The following TTC19 variants were observed in gnomAD, a reference collection of about 807,000 sequenced individuals.
TTC19 encodes tetratricopeptide repeat domain 19, also known as tetratricopeptide repeat protein 19, mitochondrial.
TTC19 carries 38 observed loss-of-function variants against 49.5 expected under a neutral mutation model. That is an observed-to-expected ratio of 0.77 (90% CI 0.59 to 1.01). The LOEUF is 1.01. Ranked by LOEUF, TTC19 falls within the 50% of genes least tolerant of loss-of-function variation. The probability of loss-of-function intolerance (pLI) is 0.00; values close to 1 mark genes in which losing one functional copy is unlikely to be tolerated. For missense variants in TTC19, 475 were observed against 477.7 expected (o/e 0.99, Z 0.05); for synonymous variants, 204 against 185.2 (o/e 1.10, Z -0.83).
intron 2 of TTC19, chr17:16,040,673 C>CAAA: frequency 1.6e-6 from 1 of 636,638 alleles, no homozygotes; most frequent in Non-Finnish European, 2.8e-6. Context: ...GACAGGGTCT[C>CAAA]ACTCTGTTGC....
At chr17:16,033,249 C>T (rs559011560), downstream of TTC19, among the ~76,000 whole-genome samples, 1 of 149,314 alleles carries the variant, frequency 6.7e-6, no homozygotes, top group Non-Finnish European at 1.5e-5. Context: ...GCAGGAGAAT[C>T]GCCTGAACCC....
intron 7 of TTC19, among the ~76,000 whole-genome samples, chr17:16,010,143 AT>A (rs1383232233): frequency 8.9e-6 from 1 of 112,394 alleles, no homozygotes; most frequent in Non-Finnish European, 2.1e-5. Context: ...CACCCCATCT[AT>A]TTTTTTTATT....
intron 7 of TTC19, among the ~76,000 whole-genome samples, chr17:16,008,972 T>G (rs1362937560): frequency 1.3e-5 from 2 of 152,350 alleles, no homozygotes; most frequent in East Asian, 3.9e-4. Context: ...GTTTAAAAAT[T>G]TTTAGTCTTT....
chr17:16,033,083 C>A (rs568008213), downstream of TTC19, among the ~76,000 whole-genome samples: 1 of 152,278 alleles, frequency 6.6e-6, no homozygotes, highest in African/African-American at 2.4e-5. Context: ...CAGTGGCTCA[C>A]GCCTGTAATC....
intron 2 of TTC19, chr17:16,040,622 C>T (rs1446627207): frequency 1.2e-6 from 1 of 845,326 alleles, no homozygotes; most frequent in Non-Finnish European, 1.9e-6. Context: ...TATTTCTCAC[C>T]CATTAAGTGA....
intron 8 of TTC19, among the ~76,000 whole-genome samples, chr17:16,025,717 G>A (rs1428222121): frequency 6.6e-6 from 1 of 152,180 alleles, no homozygotes; most frequent in Admixed American, 6.5e-5. Context: ...CTCCATCCGA[G>A]TAAGTTCTTA....
downstream of TTC19, chr17:16,031,831 T>C: frequency 4.3e-6 from 1 of 232,510 alleles, no homozygotes; most frequent in East Asian, 6.1e-5. Flanking sequence ...TATGAGGTTG[T>C]TTAGAAGGCT....
At chr17:16,003,636 G>A (rs1567577324) in intron 4 of TTC19, among the ~76,000 whole-genome samples, 195 bp from the exon 5 acceptor site, 1 of 152,032 alleles carries the variant, frequency 6.6e-6, no homozygotes. Flanking sequence ...GGTACACAGA[G>A]GATGTTGAGG....
At chr17:16,044,168 C>CAAA (rs34691717) in intron 2 of TTC19, among the ~76,000 whole-genome samples, 49 of 82,704 alleles carry the variant, frequency 5.9e-4, no homozygotes, top group South Asian at 1.0e-3. Context: ...GACTCCATCT[C>CAAA]AAAAAAAAAA....
Position 16,027,564 on chromosome 17 carries a change from A to G in TTC19, c.*42A>G, listed in dbSNP as rs1193676844. The G allele has an allele frequency of 6.2e-7, 1 of 1,606,620 alleles. No homozygotes were observed. Among genetic ancestry groups the G allele is most frequent in the Non-Finnish European group, 8.5e-7 (1 of 1,173,978 alleles). On this transcript the variant is annotated 3_prime_UTR_variant, in exon 10 of 10. Transcript: ENST00000261647. ...GGAGAATAATGTCTAGTAATGTGGAAGAATAGCTATCATTCCTGTCTCTGT... is the reference window on the plus strand; with the variant it reads ...GGAGAATAATGTCTAGTAATGTGGAGGAATAGCTATCATTCCTGTCTCTGT...
intron 4 of TTC19, among the ~76,000 whole-genome samples, chr17:16,003,396 G>A (rs1012705869): frequency 5.3e-5 from 8 of 151,018 alleles, no homozygotes; most frequent in South Asian, 2.1e-4. Flanking sequence ...GATTCCAGGC[G>A]TGTGCCACAA....
At chr17:16,009,300 A>T (rs1004330080) in intron 7 of TTC19, among the ~76,000 whole-genome samples, 2 of 152,252 alleles carry the variant, frequency 1.3e-5, no homozygotes, top group Non-Finnish European at 2.9e-5. Flanking sequence ...GATTCAAAAA[A>T]TAATACCAGT....
At chr17:16,034,438 T>C (rs1484292026) in intron 2 of TTC19, among the ~76,000 whole-genome samples, 1 of 151,818 alleles carries the variant, frequency 6.6e-6, no homozygotes, top group Non-Finnish European at 1.5e-5. Context: ...AAAATAAAAA[T>C]TAAAATGAAA....
chr17:16,024,641 G>A, intron 7 of TTC19: 1 of 287,630 alleles, frequency 3.5e-6, no homozygotes, highest in Non-Finnish European at 6.7e-6. Flanking sequence ...TTGTGACTTT[G>A]CACTTCAGGA....
rs1457564524 is a variant in TTC19, at chr17:16,010,926, G to GT, written c.676+4359dup. ...GTTTCTGGTTGTGTCTACATTATGA[G>GT]TGTATGAATAGTGTTAGCTGCTGAG... On this transcript the variant is annotated intron_variant, in intron 7 of 9. Transcript: ENST00000261647. 5.1e-4 allele frequency among the ~76,000 whole-genome samples: 78 copies of GT among 152,328 alleles called. 1 individual carries two copies. Among genetic ancestry groups the GT allele is most frequent in the African/African-American group, 1.8e-3 (74 of 41,572 alleles).
chr17:16,041,904 T>C (rs1019366033), intron 2 of TTC19, among the ~76,000 whole-genome samples: 7 of 152,210 alleles, frequency 4.6e-5, no homozygotes, highest in Admixed American at 3.9e-4. Context: ...GCCTGGCTAA[T>C]TTTTTACATT....
At chr17:16,038,373 G>A (rs1272803984) in intron 2 of TTC19, among the ~76,000 whole-genome samples, 1 of 152,070 alleles carries the variant, frequency 6.6e-6, no homozygotes, top group Non-Finnish European at 1.5e-5. Flanking sequence ...TCAGATACAA[G>A]CATTAGCATT....
rs758965029 is a variant in TTC19, at chr17:16,025,073, C to T, written c.733C>T (p.Arg245Cys). The change falls in exon 8 of 10, where the codon CGC becomes TGC. Residue 245 changes from arginine (R) to cysteine (C), a missense_variant. Arg to Cys is a radical substitution (Grantham distance 180). Coordinates refer to ENST00000261647, the MANE Select transcript of TTC19 (RefSeq NM_017775.4). ...LLGMCLDACA[R>C]YLLFSKQPSQ... The stretch of plus-strand genomic sequence containing the variant: ...GGGCATGTGCTTAGACGCCTGTGCT[C>T]GCTACCTTCTGTTCTCCAAGCAGCC... The T allele has an allele frequency of 5.0e-6, 8 of 1,613,728 alleles. No individual in the cohort carries two copies. Among genetic ancestry groups the T allele is most frequent in the African/African-American group, 4.0e-5 (3 of 74,866 alleles).
chr17:16,040,201 T>C (rs1232006834), intron 2 of TTC19: 1 of 617,334 alleles, frequency 1.6e-6, no homozygotes, highest in African/African-American at 1.8e-5. Flanking sequence ...TTCCCTAGTT[T>C]TGACAGTGTT....
Sources: gnomAD v4.1 joint callset for allele counts (sites outside exome capture counted in the v4.1 genomes callset) on GRCh38, gnomAD v4.1.1 for gene constraint, MANE v1.5 for transcripts, NCBI Gene and HGNC (gene_info 2026-07-23, HGNC 2026-07-21) for gene names.